Variants in PRUNE2 observed in about 807,000 individuals in gnomAD.
PRUNE2 encodes protein prune homolog 2.
A neutral mutation model predicts 252.0 loss-of-function variants in PRUNE2; 164 were observed. That is an observed-to-expected ratio of 0.65 (90% CI 0.57 to 0.74). The LOEUF (loss-of-function observed/expected upper bound fraction) is 0.74, where lower values mean the gene tolerates loss of function less well. Among genes scored for constraint, PRUNE2 ranks in the 30% least tolerant of loss-of-function variants. The pLI, the probability that PRUNE2 is intolerant of heterozygous loss-of-function variation, is 0.00. For synonymous variants in PRUNE2, 1,292 were observed against 1,350.2 expected (o/e 0.96, Z 0.94); for missense variants, 3,495 against 3,711.0 (o/e 0.94, Z 1.51).
At chr9:76,837,823 G>C (rs139067806) in intron 4 of PRUNE2, among the ~76,000 whole-genome samples, 9,006 of 148,796 alleles carry the variant, frequency 0.061, 440 homozygotes, top group East Asian at 0.15. Flanking sequence ...CCAGGCTGGA[G>C]TGCAGTGGCG....
At position 76,710,101 on chromosome 9, in the gene PRUNE2, GT is replaced by G; in HGVS notation, c.2172del (p.Glu724AspfsTer38). Reference sequence around the variant, plus strand: ...TTGTCTTGAATATCATTGCTACCCAGTTCAGGCTGACCAAATTCAGACTCCC... The same window carrying G: ...TTGTCTTGAATATCATTGCTACCCAGTCAGGCTGACCAAATTCAGACTCCC... Reference protein sequence around the residue: ...GPWESEFGQPELGSNDIQDKN... With the variant: ...GPWESEFGQPXLGSNDIQDKN... On this transcript the variant is annotated frameshift_variant, in exon 8 of 19. Coordinates refer to ENST00000376718, the MANE Select transcript of PRUNE2 (RefSeq NM_015225.3). LOFTEE classifies it high-confidence loss of function. The G allele has an allele frequency of 6.2e-7, 1 of 1,613,950 alleles. No homozygotes were observed. The highest frequency in any genetic ancestry group is 1.7e-5 in the Admixed American group (1 of 60,010).
chr9:76,874,207 A>C (rs1432173144), intron 1 of PRUNE2, among the ~76,000 whole-genome samples: 1 of 152,248 alleles, frequency 6.6e-6, no homozygotes, highest in Non-Finnish European at 1.5e-5. Flanking sequence ...AATACCAGCC[A>C]TATTAAATAT....
At position 76,861,824 on chromosome 9, in the gene PRUNE2, G is replaced by A. The variant is rs528354447; in HGVS notation, c.37-7616C>T. Among the ~76,000 whole-genome samples the A allele has an allele frequency of 1.8e-4, 26 of 143,376 alleles. No individual in the cohort carries two copies. In the South Asian group the frequency reaches 5.7e-3, roughly 32 times the overall value. 94.1% of individuals were successfully genotyped at this position (143,376 alleles called of 152,430 possible). A position where few individuals can be genotyped will look rare whatever the true frequency, so the allele number is the denominator to read the frequency against. ...TTTTGTATTTTTGTTCAGGATCCTC[G>A]CTCTGACGATGGCTTCAAAGGACAG... On this transcript the variant is annotated intron_variant, in intron 1 of 18. Coordinates refer to ENST00000376718, the MANE Select transcript of PRUNE2 (RefSeq NM_015225.3).
chr9:76,903,269 A>C (rs1001467837), intron 1 of PRUNE2, among the ~76,000 whole-genome samples: 2 of 152,092 alleles, frequency 1.3e-5, no homozygotes, highest in Admixed American at 6.6e-5. Context: ...GCTAGCCCCA[A>C]TGATGATGAG....
chr9:76,758,502 AT>A (rs768135760), intron 6 of PRUNE2: 2,467 of 137,778 alleles, frequency 0.018, 32 homozygotes, highest in Middle Eastern at 0.033. Context: ...CTTTAAAAAA[AT>A]TTTTTTTTTT....
intron 6 of PRUNE2, among the ~76,000 whole-genome samples, chr9:76,777,828 G>C (rs2053965193): frequency 6.6e-6 from 1 of 152,178 alleles, no homozygotes; most frequent in Non-Finnish European, 1.5e-5. Context: ...CATTTGAGCA[G>C]AGAATTGAAA....
At chr9:76,726,793 G>A (rs992914355) in intron 6 of PRUNE2, among the ~76,000 whole-genome samples, 1 of 152,126 alleles carries the variant, frequency 6.6e-6, no homozygotes, top group African/African-American at 2.4e-5. Flanking sequence ...CACTATAACT[G>A]TCAAACTTCC....
intron 1 of PRUNE2, among the ~76,000 whole-genome samples, chr9:76,854,960 G>A (rs2060161200): frequency 6.6e-6 from 1 of 150,930 alleles, no homozygotes; most frequent in South Asian, 2.1e-4. Flanking sequence ...CAGCTATTCA[G>A]GAGGCTGAGG....
intron 15 of PRUNE2, among the ~76,000 whole-genome samples, chr9:76,632,534 G>A (rs929317166): frequency 4.6e-5 from 7 of 152,114 alleles, no homozygotes; most frequent in Non-Finnish European, 1.0e-4. Flanking sequence ...ATGATAGCCC[G>A]TGGCTGAAGC....
chr9:76,705,260 C>G lies in PRUNE2; in HGVS notation c.7014G>C (p.Gly2338=). Residue 2338 remains glycine (G), a synonymous_variant, in exon 8 of 19, where the codon GGG becomes GGC. Transcript: ENST00000376718. ...CTTCAGATGAGCAGATATCTTGCTT[C>G]CCTAGGTCCCCATCAACTGGCGTTT... ...HPETPVDGDL[G]KQDICSSEAS... The G allele has an allele frequency of 6.2e-7, 1 of 1,614,006 alleles. No individual in the cohort carries two copies. Among genetic ancestry groups the G allele is most frequent in the Non-Finnish European group, 8.5e-7 (1 of 1,179,888 alleles).
intron 1 of PRUNE2, among the ~76,000 whole-genome samples, chr9:76,865,500 A>G (rs1364918884): frequency 2.6e-5 from 4 of 152,238 alleles, no homozygotes; most frequent in Non-Finnish European, 5.9e-5. Flanking sequence ...TTTACAGCTC[A>G]GCCAACTGAG....
At chr9:76,741,009 C>G (rs918110138) in intron 6 of PRUNE2, among the ~76,000 whole-genome samples, 1 of 152,112 alleles carries the variant, frequency 6.6e-6, no homozygotes, top group Non-Finnish European at 1.5e-5. Context: ...GATTTCAAAG[C>G]TGATTTCTTG....
intron 4 of PRUNE2, among the ~76,000 whole-genome samples, chr9:76,844,650 C>A (rs1031425075): frequency 2.6e-5 from 4 of 152,112 alleles, no homozygotes; most frequent in Admixed American, 1.3e-4. Context: ...GTCTCCAGAG[C>A]CCTCTTTCCA....
intron 3 of PRUNE2, among the ~76,000 whole-genome samples, chr9:76,847,329 GA>G (rs767360854): frequency 0.029 from 3,720 of 128,490 alleles, 96 homozygotes; most frequent in African/African-American, 0.072. Flanking sequence ...CTGTCTCAGG[GA>G]AAAAAAAAAA....
chr9:76,630,416 G>C (rs7855463), intron 15 of PRUNE2, among the ~76,000 whole-genome samples: 2,744 of 152,264 alleles, frequency 0.018, 36 homozygotes, highest in African/African-American at 0.029. Flanking sequence ...AACTTGGAAG[G>C]ATACCAATGA....
At position 76,814,002 on chromosome 9, in the gene PRUNE2, C is replaced by T. The variant is rs577207003; in HGVS notation, c.756+9630G>A. 7.2e-5 allele frequency among the ~76,000 whole-genome samples: 11 copies of T among 152,202 alleles called. No homozygotes were observed. In the East Asian group the frequency reaches 7.7e-4, roughly 11 times the overall value. On this transcript the variant is annotated intron_variant, in intron 6 of 18. Coordinates refer to ENST00000376718, the MANE Select transcript of PRUNE2 (RefSeq NM_015225.3). The stretch of plus-strand genomic sequence containing the variant: ...TGGCTAATTGTATTTTTAGTAGAGA[C>T]GGGGTTTCACCATGTTGGCCAGGCT...
rs538605232 is a variant in PRUNE2 at position 76,727,144 on chromosome 9, T to C, written c.757-13423A>G. On this transcript the variant is annotated intron_variant, in intron 6 of 18. Coordinates refer to ENST00000376718, the MANE Select transcript of PRUNE2 (RefSeq NM_015225.3). ...TATAGCATATCTGGCCTTGACCCAC[T>C]AGATGCCAGTAGCAAGCTCCCTGCC... is the stretch of plus-strand genomic sequence containing the variant. Among the ~76,000 whole-genome samples, 3 of 152,322 alleles carry C rather than the reference T, an allele frequency of 2.0e-5. No individual in the cohort carries two copies. The East Asian group carries it at 5.8e-4, about 29-fold the overall frequency.
At chr9:76,724,035 T>C (rs1348063742) in intron 6 of PRUNE2, among the ~76,000 whole-genome samples, 1 of 150,956 alleles carries the variant, frequency 6.6e-6, no homozygotes, top group Non-Finnish European at 1.5e-5. Context: ...GACCTTGTGA[T>C]CTGCCCGCCT....
chr9:76,653,965 T>C lies in PRUNE2; in HGVS notation c.8357-1282A>G, dbSNP rs1345229336. Among the ~76,000 whole-genome samples the C allele has an allele frequency of 2.6e-4, 39 of 152,206 alleles. 1 individual carries two copies. Among genetic ancestry groups the C allele is most frequent in the Admixed American group, 2.6e-3 (39 of 15,274 alleles). ...ACAAAACAAAGGTAGAGACATACCCTACTGTAGTATAATAAGAAATGTATT... is the reference window on the plus strand; with the variant it reads ...ACAAAACAAAGGTAGAGACATACCCCACTGTAGTATAATAAGAAATGTATT... On this transcript the variant is annotated intron_variant, in intron 10 of 18. Transcript: ENST00000376718.
Sources: allele counts gnomAD v4.1 joint callset (sites outside exome capture counted in the v4.1 genomes callset), GRCh38; gene constraint gnomAD v4.1.1; transcripts MANE v1.5; gene names NCBI Gene and HGNC (gene_info 2026-07-23, HGNC 2026-07-21).